Variants in PRDM15 observed in about 807,000 individuals in gnomAD.
PRDM15 encodes the protein PR/SET domain 15.
Under a neutral mutation model 128.6 loss-of-function variants are expected in PRDM15, and 64 were observed. The ratio of observed to expected loss-of-function variants is 0.50; its 90% CI spans 0.41 to 0.61. The LOEUF (loss-of-function observed/expected upper bound fraction) is 0.61, where lower values mean the gene tolerates loss of function less well. Ranked by LOEUF, PRDM15 falls within the 20% of genes least tolerant of loss-of-function variation. PRDM15 has a pLI of 0.00. For missense variants in PRDM15, 1,242 were observed against 1,569.1 expected, an observed-to-expected ratio of 0.79 and a Z score of 3.52; for synonymous variants, 615 against 621.8, an observed-to-expected ratio of 0.99 and a Z score of 0.16.
At chr21:41,871,863 C>G (rs1345022287) in intron 1 of PRDM15, 3 of 438,246 alleles carry the variant, frequency 6.8e-6, no homozygotes, top group African/African-American at 5.9e-5. Context: ...CGAGTACAGT[C>G]TCTCCTGTAG....
intron 19 of PRDM15, chr21:41,813,558 T>C: frequency 6.6e-6 from 1 of 152,442 alleles, no homozygotes; most frequent in Non-Finnish European, 1.5e-5. Context: ...CAGGGGGCAC[T>C]GAACAGGCTC....
rs377074142 is a variant in PRDM15 at position 41,819,808 on chromosome 21, C to T, written c.2141-107G>A. ...GCCCAGCCTCCCCAGCAGCTAGAAG[C>T]GCAGTAACAGGGGTGGGGTCGCCTC... is the stretch of plus-strand genomic sequence containing the variant. On this transcript the variant is annotated intron_variant, in intron 17 of 23. Coordinates refer to ENST00000398548, the MANE Select transcript of PRDM15 (RefSeq NM_001040424.3). The T allele has an allele frequency of 9.9e-5, 142 of 1,428,998 alleles. No homozygotes were observed. The African/African-American group carries it at 1.2e-3, about 12-fold the overall frequency. 88.5% of individuals were successfully genotyped at this position (1,428,998 alleles called of 1,614,324 possible). A position where few individuals can be genotyped will look rare whatever the true frequency, so the allele number is the denominator to read the frequency against.
At chr21:41,858,610 G>A (rs1183553949) in intron 3 of PRDM15, among the ~76,000 whole-genome samples, 3 of 152,024 alleles carry the variant, frequency 2.0e-5, no homozygotes, top group South Asian at 2.1e-4. Flanking sequence ...CGACAGAGGC[G>A]GACATGAGGT....
rs755076338 is a variant in PRDM15 at position 41,854,774 on chromosome 21, G to A, written c.330C>T (p.Asn110=). ...DGHPVCFDTS[N]EDDCNWMMLV... ...GCATCATCCAGTTGCAGTCATCCTCGTTGGAGGTGTCGAAGCACACGGGGT... is the reference window on the plus strand; with the variant it reads ...GCATCATCCAGTTGCAGTCATCCTCATTGGAGGTGTCGAAGCACACGGGGT... Residue 110 remains asparagine (N), a synonymous_variant, in exon 5 of 24, where the codon AAC becomes AAT. Transcript: ENST00000398548. This position sits in a 1 kb window ranked among gnomAD's most constrained non-coding sequence, Gnocchi z 4.6. The A allele has an allele frequency of 7.6e-5, 122 of 1,609,368 alleles. No individual in the cohort carries two copies. The highest frequency in any genetic ancestry group is 1.6e-4 in the East Asian group (7 of 44,728).
At chr21:41,874,392 G>A (rs1037455706) in intron 1 of PRDM15, among the ~76,000 whole-genome samples, 5 of 151,774 alleles carry the variant, frequency 3.3e-5, no homozygotes, top group African/African-American at 7.3e-5. Flanking sequence ...GAGTTGAGGC[G>A]GCCTGCTCAG....
At chr21:41,863,014 C>T (rs992880770) in intron 1 of PRDM15, among the ~76,000 whole-genome samples, 4 of 151,828 alleles carry the variant, frequency 2.6e-5, no homozygotes, top group Non-Finnish European at 5.9e-5. Flanking sequence ...ACTAAAAATA[C>T]AAAAACTAGC....
At chr21:41,874,070 G>GAAA (rs34938588) in intron 1 of PRDM15, among the ~76,000 whole-genome samples, 1 of 107,682 alleles carries the variant, frequency 9.3e-6, no homozygotes, top group South Asian at 3.0e-4. Context: ...TCTGTCTCGG[G>GAAA]AAAAAAAAAA....
intron 18 of PRDM15, among the ~76,000 whole-genome samples, chr21:41,817,791 G>A (rs374666176): frequency 4.6e-5 from 7 of 152,182 alleles, no homozygotes; most frequent in Non-Finnish European, 1.5e-5. Context: ...GTGATAGCAC[G>A]ATGACAATAC....
rs987505105 is a variant in PRDM15, at chr21:41,828,790, C to G, written c.1367-457G>C. 5.3e-5 allele frequency among the ~76,000 whole-genome samples: 8 copies of G among 152,070 alleles called. No individual in the cohort carries two copies. Among genetic ancestry groups the G allele is most frequent in the Non-Finnish European group, 7.4e-5 (5 of 67,974 alleles). The stretch of plus-strand genomic sequence containing the variant: ...CCGACCAATGTGGCCGCCCCTGCCC[C>G]CAGGATCCCTGGTGTTGGCCCCTCC... On this transcript the variant is annotated intron_variant, in intron 11 of 23. Transcript: ENST00000398548. The surrounding 1 kb of genome is among the most constrained non-coding windows in gnomAD (Gnocchi z 5.7).
At chr21:41,871,107 A>G (rs937225978) in intron 1 of PRDM15, among the ~76,000 whole-genome samples, 2 of 152,252 alleles carry the variant, frequency 1.3e-5, no homozygotes, top group African/African-American at 4.8e-5. Flanking sequence ...ACAGATGGGT[A>G]GACAGAGGTT....
intron 1 of PRDM15, among the ~76,000 whole-genome samples, chr21:41,876,653 C>T (rs1206532657): frequency 2.0e-5 from 3 of 152,278 alleles, no homozygotes; most frequent in East Asian, 1.9e-4. Context: ...GACGTGGCCC[C>T]GGGGCAGGGT....
chr21:41,857,470 TC>T, intron 3 of PRDM15, 141 bp from the exon 4 acceptor site: 1 of 896,666 alleles, frequency 1.1e-6, no homozygotes, highest in Non-Finnish European at 1.7e-6. Context: ...ATAGAAGCCT[TC>T]CAGGCCAGGC....
intron 1 of PRDM15, among the ~76,000 whole-genome samples, chr21:41,864,430 A>G (rs1251807222): frequency 6.6e-6 from 1 of 151,896 alleles, no homozygotes; most frequent in Admixed American, 6.6e-5. Flanking sequence ...AAGGAAAATC[A>G]TTTGCATCTT....
In PRDM15 at chr21:41,828,960, CACAT is replaced by C. The variant is rs1364979813; in HGVS notation, c.1367-631_1367-628del. Among the ~76,000 whole-genome samples the C allele has an allele frequency of 1.4e-5, 2 of 141,772 alleles. No homozygotes were observed. Among genetic ancestry groups the C allele is most frequent in the African/African-American group, 2.9e-5 (1 of 34,490 alleles). The allele number at this position is 141,772 out of a possible 152,430, so 93.0% of individuals were successfully genotyped here. A position where few individuals can be genotyped will look rare whatever the true frequency, so the allele number is the denominator to read the frequency against. On this transcript the variant is annotated intron_variant, in intron 11 of 23. Coordinates refer to ENST00000398548, the MANE Select transcript of PRDM15 (RefSeq NM_001040424.3). This position sits in a 1 kb window ranked among gnomAD's most constrained non-coding sequence, Gnocchi z 5.7. ...CACACAAATACACAATCACACACAC[CACAT>C]ACACACACCACGCACACATGCCCCA... is the stretch of plus-strand genomic sequence containing the variant.
In PRDM15 at chr21:41,859,530, G is replaced by A. The variant is rs2063745449; in HGVS notation, c.131+62C>T. ...TTCCTCCCCGTCTGCAGACCCAAAG[G>A]CCACTAGGCTCCTGCCGCAGCTGGC... On this transcript the variant is annotated intron_variant, in intron 3 of 23. Transcript: ENST00000398548. This position sits in a 1 kb window ranked among gnomAD's most constrained non-coding sequence, Gnocchi z 5.3. 1.5e-6 allele frequency: 2 copies of A among 1,370,442 alleles called. No individual in the cohort carries two copies. Among genetic ancestry groups the A allele is most frequent in the Non-Finnish European group, 2.1e-6 (2 of 971,516 alleles). The allele number at this position is 1,370,442 out of a possible 1,614,324, so 84.9% of individuals were successfully genotyped here.
At position 41,823,423 on chromosome 21, in the gene PRDM15, G is replaced by T; in HGVS notation, c.1656C>A (p.Asn552Lys). Residue 552 changes from asparagine to lysine, a missense_variant, in exon 14 of 24, where the codon AAC becomes AAA. By Grantham distance (94) the Asn-to-Lys change is moderately conservative. Around this residue, in one of 3 missense-constraint regions of PRDM15, gnomAD observed 28 missense variants for 63.8 expected, o/e 0.44. Transcript: ENST00000398548. ...TGTCGCCGTGGGTGAGCAGGTGCTT[G>T]TTCATATTGCTCCGGCAGGAGAACA... Reference protein sequence around the residue: ...GKVFSCRSNMNKHLLTHGDKK... With the variant: ...GKVFSCRSNMKKHLLTHGDKK... 1 of 1,556,378 alleles carries T rather than the reference G, an allele frequency of 6.4e-7. No individual in the cohort carries two copies.
chr21:41,802,676 C>T, intron 23 of PRDM15, 36 bp downstream of exon 23: 1 of 1,574,650 alleles, frequency 6.4e-7, no homozygotes. Context: ...GGGAAAGTGA[C>T]CGGCACCTAA....
chr21:41,802,818 G>A lies in PRDM15; in HGVS notation c.2837C>T (p.Ala946Val). ...RKQKPEEEAG[A>V]PVPEDATFSE... ...GAAGGTGGCGTCCTCGGGCACCGGAGCACCCGCCTCCTCTTCTGGCTTCTG... is the reference window on the plus strand; with the variant it reads ...GAAGGTGGCGTCCTCGGGCACCGGAACACCCGCCTCCTCTTCTGGCTTCTG... Residue 946 changes from alanine (A) to valine (V), a missense_variant, in exon 23 of 24, where the codon GCT (alanine) becomes GTT (valine). By Grantham distance (64) the Ala-to-Val change is moderately conservative. Around this residue, in one of 3 missense-constraint regions of PRDM15, gnomAD observed 602 missense variants for 788.3 expected, o/e 0.76. Coordinates refer to ENST00000398548, the MANE Select transcript of PRDM15 (RefSeq NM_001040424.3). The A allele has an allele frequency of 6.2e-7, 1 of 1,614,156 alleles. No individual in the cohort carries two copies. The highest frequency in any genetic ancestry group is 2.2e-5 in the East Asian group (1 of 44,884).
At chr21:41,849,519 G>A (rs1275334414) in intron 5 of PRDM15, among the ~76,000 whole-genome samples, 37 of 150,808 alleles carry the variant, frequency 2.5e-4, no homozygotes, top group Non-Finnish European at 2.9e-5. Flanking sequence ...AGTGAGCCAA[G>A]ATCACACCAC....
Sources: allele counts gnomAD v4.1 joint callset (sites outside exome capture counted in the v4.1 genomes callset), GRCh38; gene constraint gnomAD v4.1.1; regional missense constraint gnomAD v4.1.1; non-coding constraint Gnocchi (gnomAD v3.1); transcripts MANE v1.5; gene names NCBI Gene and HGNC (gene_info 2026-07-23, HGNC 2026-07-21).